HNRNPA1: variants seen among roughly 807,000 people sequenced by gnomAD.
The protein encoded by HNRNPA1 is heterogeneous nuclear ribonucleoprotein A1, also known as epididymis secretory sperm binding protein.
HNRNPA1 carries 7 observed loss-of-function variants against 44.4 expected under a neutral mutation model. The ratio of observed to expected loss-of-function variants is 0.16; its 90% CI spans 0.09 to 0.30. The LOEUF (loss-of-function observed/expected upper bound fraction) is 0.30. Ranked by LOEUF, HNRNPA1 falls within the 10% of genes least tolerant of loss-of-function variation. HNRNPA1 has a pLI of 1.00. For missense variants in HNRNPA1, 193 were observed against 465.8 expected (o/e 0.41, Z 5.39); for synonymous variants, 169 against 160.6 (o/e 1.05, Z -0.40).
intron 2 of HNRNPA1, 33 bp from the exon 3 acceptor site, chr12:54,281,762 A>G (rs1337097420): frequency 5.0e-6 from 8 of 1,595,304 alleles, no homozygotes; most frequent in Non-Finnish European, 6.8e-6. Flanking sequence ...TTGCGGTCAG[A>G]CTTTGTGTTA....
rs751747501 is a variant in HNRNPA1 at position 54,283,868 on chromosome 12, T to C, written c.964T>C (p.Ser322Pro). The C allele has an allele frequency of 6.2e-7, 1 of 1,613,618 alleles. No individual in the cohort carries two copies. The highest frequency in any genetic ancestry group is 1.1e-5 in the South Asian group (1 of 91,082). Residue 322 changes from serine to proline, a missense_variant, in exon 9 of 11, where the codon TCT (serine) becomes CCT (proline). This residue lies in a region of HNRNPA1 where 136 missense variants were observed against 234.4 expected (regional missense o/e 0.58). Coordinates refer to ENST00000340913, the MANE Select transcript of HNRNPA1 (RefSeq NM_031157.4). The part of the protein sequence containing the change: ...YNDFGNYNNQ[S>P]SNFGPMKGGN... ...TGATTTTGGGAATTACAACAATCAGTCTTCAAATTTTGGACCCATGAAGGG... is the reference window on the plus strand; with the variant it reads ...TGATTTTGGGAATTACAACAATCAGCCTTCAAATTTTGGACCCATGAAGGG...
At position 54,282,024 on chromosome 12, in the gene HNRNPA1, C is replaced by T. The variant is rs1039184552; in HGVS notation, c.280-66C>T. ...ACTTAAGATTCGGGAGTTTTCTAAA[C>T]TTACCAAAATTTTTTATTCGAGTAT... On this transcript the variant is annotated intron_variant, in intron 3 of 10. Transcript: ENST00000340913. 6 of 1,598,818 alleles carry T rather than the reference C, an allele frequency of 3.8e-6. No homozygotes were observed. The Admixed American group carries it at 6.9e-5, about 18-fold the overall frequency.
rs776821116 is a variant in HNRNPA1 at position 54,285,765 on chromosome 12, T to G, written c.*1221T>G. The G allele has an allele frequency of 1.3e-5, 2 of 151,994 alleles. No individual in the cohort carries two copies. Among genetic ancestry groups the G allele is most frequent in the East Asian group, 1.9e-4 (1 of 5,182 alleles). The allele number at this position is 151,994 out of a possible 1,614,324, so 9.4% of individuals were successfully genotyped here. On this transcript the variant is annotated 3_prime_UTR_variant, in exon 11 of 11. Transcript: ENST00000340913. ...TTCTTTTGAGCCTTACCTTTGGTGC[T>G]CTCTCAATTTCAGTGCTATTGTACC...
Position 54,280,784 on chromosome 12 carries a change from A to G in HNRNPA1, c.-24A>G, listed in dbSNP as rs752278921. 1.2e-5 allele frequency: 19 copies of G among 1,614,090 alleles called. No homozygotes were observed. The highest frequency in any genetic ancestry group is 1.6e-4 in the Middle Eastern group (1 of 6,062). On this transcript the variant is annotated 5_prime_UTR_variant, in exon 1 of 11. Transcript: ENST00000340913. ...TGGACGCCGCCGAAGAAGCATCGTT[A>G]AAGTCTCTCTTCACCCTGCCGTCAT...
chr12:54,283,927 T>C lies in HNRNPA1; in HGVS notation c.1023T>C (p.Tyr341=). The C allele has an allele frequency of 2.5e-6, 4 of 1,609,340 alleles. No homozygotes were observed. Among genetic ancestry groups the C allele is most frequent in the Non-Finnish European group, 3.4e-6 (4 of 1,180,008 alleles). ...TTGGAGGCAGAAGCTCTGGCCCCTA[T>C]GGCGGTGGAGGCCAATACTTTGCAA... ...GNFGGRSSGP[Y]GGGGQYFAKP... The change falls in exon 9 of 11, where the codon TAT becomes TAC. Residue 341 remains tyrosine (Y), a synonymous_variant. Coordinates refer to ENST00000340913, the MANE Select transcript of HNRNPA1 (RefSeq NM_031157.4).
rs916573676 is a variant in HNRNPA1 at position 54,287,053 on chromosome 12, T to C, written c.*2509T>C. 2.0e-5 allele frequency: 3 copies of C among 152,014 alleles called. No homozygotes were observed. The allele number at this position is 152,014 out of a possible 1,614,324, so 9.4% of individuals were successfully genotyped here. ...TGCAGCTCAAATTCCATTTTGTGAA[T>C]GGGTTTTTTTTTTTAATAAACTGTA... On this transcript the variant is annotated 3_prime_UTR_variant, in exon 11 of 11. Transcript: ENST00000340913.
Position 54,282,581 on chromosome 12 carries a change from G to A in HNRNPA1, c.592G>A (p.Gly198Ser), listed in dbSNP as rs769315031. ...AAACTTCATGTCTTAAGGTCGAAGT[G>A]GTTCTGGAAACTTTGGTGGTGGTCG... ...SASSSQRGRS[G>S]SGNFGGGRGG... Residue 198 changes from glycine (G) to serine (S), a missense_variant, in exon 6 of 11, where the codon GGT (glycine) becomes AGT (serine). By Grantham distance (56) the Gly-to-Ser change is moderately conservative. Coordinates refer to ENST00000340913, the MANE Select transcript of HNRNPA1 (RefSeq NM_031157.4). 6.2e-7 allele frequency: 1 copy of A among 1,613,842 alleles called. No individual in the cohort carries two copies. The highest frequency in any genetic ancestry group is 8.5e-7 in the Non-Finnish European group (1 of 1,179,860).
At chr12:54,282,986 C>T (rs552762967) in intron 7 of HNRNPA1, 93 bp from the exon 8 acceptor site, 33 of 1,497,764 alleles carry the variant, frequency 2.2e-5, no homozygotes, top group East Asian at 4.8e-5. Flanking sequence ...GCCCATAACA[C>T]GCATGCTGTG....
Position 54,286,082 on chromosome 12 carries a change from GAC to G in HNRNPA1, c.*1541_*1542del, listed in dbSNP as rs1472210552. On this transcript the variant is annotated 3_prime_UTR_variant, in exon 11 of 11. Coordinates refer to ENST00000340913, the MANE Select transcript of HNRNPA1 (RefSeq NM_031157.4). ...TATAGCGCGAATGGCTCCGAGCTCA[GAC>G]ACTCTACAGCTGAGAGTAGACACTT... 1 of 152,164 alleles carries G rather than the reference GAC, an allele frequency of 6.6e-6. No homozygotes were observed. Among genetic ancestry groups the G allele is most frequent in the East Asian group, 1.9e-4 (1 of 5,196 alleles). The allele number at this position is 152,164 out of a possible 1,614,324, so 9.4% of individuals were successfully genotyped here. A position where few individuals can be genotyped will look rare whatever the true frequency, so the allele number is the denominator to read the frequency against.
Position 54,281,448 on chromosome 12 carries a change from T to A in HNRNPA1, c.78T>A (p.Thr26=). The A allele has an allele frequency of 1.2e-6, 2 of 1,612,606 alleles. No individual in the cohort carries two copies. Among genetic ancestry groups the A allele is most frequent in the Non-Finnish European group, 1.7e-6 (2 of 1,179,124 alleles). ...TTGGAGGGTTGAGCTTTGAAACAACTGATGAGAGCCTGAGGAGCCATTTTG... is the reference window on the plus strand; with the variant it reads ...TTGGAGGGTTGAGCTTTGAAACAACAGATGAGAGCCTGAGGAGCCATTTTG... ...LFIGGLSFET[T]DESLRSHFEQ... Residue 26 remains threonine (T), a synonymous_variant, in exon 2 of 11, where the codon ACT becomes ACA. Transcript: ENST00000340913.
Position 54,280,755 on chromosome 12 carries a change from C to T in HNRNPA1, c.-53C>T, listed in dbSNP as rs200327568. On this transcript the variant is annotated 5_prime_UTR_variant, in exon 1 of 11. Coordinates refer to ENST00000340913, the MANE Select transcript of HNRNPA1 (RefSeq NM_031157.4). The stretch of plus-strand genomic sequence containing the variant: ...ACGTTCGTCAGCTTGCTCCTTTCTG[C>T]CCGTGGACGCCGCCGAAGAAGCATC... 59 of 1,610,612 alleles carry T rather than the reference C, an allele frequency of 3.7e-5. No individual in the cohort carries two copies. The highest frequency in any genetic ancestry group is 4.5e-5 in the Non-Finnish European group (53 of 1,176,994).
chr12:54,282,148 A>G lies in HNRNPA1; in HGVS notation c.338A>G (p.Lys113Arg). The G allele has an allele frequency of 6.2e-7, 1 of 1,604,742 alleles. No individual in the cohort carries two copies. Among genetic ancestry groups the G allele is most frequent in the Non-Finnish European group, 8.5e-7 (1 of 1,175,152 alleles). Reference protein sequence around the residue: ...TVKKIFVGGIKEDTEEHHLRD... With the variant: ...TVKKIFVGGIREDTEEHHLRD... ...AAAAAGATATTTGTTGGTGGCATTA[A>G]AGAAGACACTGAAGAACATCACCTA... is the stretch of plus-strand genomic sequence containing the variant. Residue 113 changes from lysine to arginine, a missense_variant, in exon 4 of 11, where the codon AAA (lysine) becomes AGA (arginine). This residue lies in a region of HNRNPA1 where 57 missense variants were observed against 231.3 expected (regional missense o/e 0.25). Coordinates refer to ENST00000340913, the MANE Select transcript of HNRNPA1 (RefSeq NM_031157.4).
chr12:54,283,694 A>G (rs1944216579), intron 8 of HNRNPA1, 118 bp from the exon 9 acceptor site: 1 of 967,528 alleles, frequency 1.0e-6, no homozygotes, highest in Non-Finnish European at 1.6e-6. Flanking sequence ...TGGAGTCACC[A>G]TAGTTTGGGA....
chr12:54,281,711 G>C (rs1038697263), intron 2 of HNRNPA1, 84 bp from the exon 3 acceptor site: 32 of 1,403,490 alleles, frequency 2.3e-5, no homozygotes, highest in Non-Finnish European at 3.1e-5. Context: ...CTGGTGTAAA[G>C]TTTCCTATTG....
At chr12:54,283,741 G>T in intron 8 of HNRNPA1, 71 bp from the exon 9 acceptor site, 1 of 1,452,040 alleles carries the variant, frequency 6.9e-7, no homozygotes, top group South Asian at 1.1e-5. Context: ...ATTTTATTCT[G>T]ACTGCTAAAC....
rs1274318704 is a variant in HNRNPA1, at chr12:54,282,409, C to G, written c.506C>G (p.Thr169Ser). The change falls in exon 5 of 11, where the codon ACT (threonine) becomes AGT (serine). Residue 169 changes from threonine (T) to serine (S), a missense_variant. Transcript: ENST00000340913. ...VDKIVIQKYHTVNGHNCEVRK... is the reference protein window; with the variant it reads ...VDKIVIQKYHSVNGHNCEVRK... ...TTTTTTTTAGTTCAGAAATACCATACTGTGAATGGCCACAACTGTGAAGTT... is the reference window on the plus strand; with the variant it reads ...TTTTTTTTAGTTCAGAAATACCATAGTGTGAATGGCCACAACTGTGAAGTT... The G allele has an allele frequency of 6.2e-7, 1 of 1,613,210 alleles. No homozygotes were observed. The highest frequency in any genetic ancestry group is 1.1e-5 in the South Asian group (1 of 91,044).
chr12:54,282,026 T>TA (rs1263108669), intron 3 of HNRNPA1, 64 bp from the exon 4 acceptor site: 7 of 1,599,244 alleles, frequency 4.4e-6, no homozygotes, highest in East Asian at 2.2e-5. Context: ...TTTCTAAACT[T>TA]ACCAAAATTT....
Position 54,280,795 on chromosome 12 carries a change from T to A in HNRNPA1, c.-13T>A. The stretch of plus-strand genomic sequence containing the variant: ...GAAGAAGCATCGTTAAAGTCTCTCT[T>A]CACCCTGCCGTCATGTCTAAGTCAG... On this transcript the variant is annotated 5_prime_UTR_variant, in exon 1 of 11. Coordinates refer to ENST00000340913, the MANE Select transcript of HNRNPA1 (RefSeq NM_031157.4). 1 of 1,614,180 alleles carries A rather than the reference T, an allele frequency of 6.2e-7. No homozygotes were observed. The highest frequency in any genetic ancestry group is 1.1e-5 in the South Asian group (1 of 91,078).
chr12:54,282,332 T>C lies in HNRNPA1; in HGVS notation c.490+32T>C, dbSNP rs905892774. 4 of 1,611,858 alleles carry C rather than the reference T, an allele frequency of 2.5e-6. No homozygotes were observed. The African/African-American group carries it at 5.3e-5, about 22-fold the overall frequency. On this transcript the variant is annotated intron_variant, in intron 4 of 10. Transcript: ENST00000340913. ...ATCAGATAGTGGCATTTAGTAAGGGTTCCACAATCTGTATGGCATTCTAAA... is the reference window on the plus strand; with the variant it reads ...ATCAGATAGTGGCATTTAGTAAGGGCTCCACAATCTGTATGGCATTCTAAA...
Sources: allele counts gnomAD v4.1 joint callset, GRCh38; gene constraint gnomAD v4.1.1; regional missense constraint gnomAD v4.1.1; transcripts MANE v1.5; gene names NCBI Gene and HGNC (gene_info 2026-07-23, HGNC 2026-07-21).